CCDC50: variants seen among roughly 807,000 people sequenced by gnomAD.
CCDC50 encodes the protein coiled-coil domain-containing protein 50.
In CCDC50, 54 loss-of-function variants were observed where a neutral mutation model predicts 70.2. That is an observed-to-expected ratio of 0.77 (90% confidence interval 0.62 to 0.96). The LOEUF (loss-of-function observed/expected upper bound fraction) is 0.96. Ranked by LOEUF, CCDC50 falls within the 50% of genes least tolerant of loss-of-function variation. CCDC50 has a pLI of 0.00. For synonymous variants in CCDC50, 216 were observed against 198.8 expected, an observed-to-expected ratio of 1.09 and a Z score of -0.73; for missense variants, 558 against 578.7, an observed-to-expected ratio of 0.96 and a Z score of 0.37.
chr3:191,383,147 A>G (rs547772518), intron 10 of CCDC50, among the ~76,000 whole-genome samples: 1 of 152,200 alleles, frequency 6.6e-6, no homozygotes, highest in Admixed American at 6.5e-5. Flanking sequence ...TCCTAAATAA[A>G]ATTTCGAGTT....
chr3:191,375,645 A>C (rs293806), intron 6 of CCDC50, 56 bp downstream of exon 6: 1 of 1,556,588 alleles, frequency 6.4e-7, no homozygotes, highest in Middle Eastern at 1.9e-4. Context: ...ACTACAAACC[A>C]ATGAATTTAA....
intron 7 of CCDC50, 32 bp downstream of exon 7, chr3:191,380,306 T>A (rs556149503): frequency 7.6e-7 from 1 of 1,309,174 alleles, no homozygotes; most frequent in South Asian, 1.2e-5. Flanking sequence ...AGTTTAGATA[T>A]ATTGATGGGT....
In CCDC50 at chr3:191,382,926, C is replaced by T. The variant is rs931181465; in HGVS notation, c.1322+101C>T. On this transcript the variant is annotated intron_variant, in intron 10 of 11. Transcript: ENST00000392455. ...AGTGTATGTTTTTTGGAGAGGAGATCCAAAAATCTGCATTTGTAAGGTAGT... is the reference window on the plus strand; with the variant it reads ...AGTGTATGTTTTTTGGAGAGGAGATTCAAAAATCTGCATTTGTAAGGTAGT... The T allele has an allele frequency of 2.9e-5, 24 of 840,114 alleles. 1 individual carries two copies. The highest frequency in any genetic ancestry group is 1.8e-4 in the East Asian group (7 of 39,404). The allele number at this position is 840,114 out of a possible 1,614,324, so 52.0% of individuals were successfully genotyped here.
chr3:191,362,763 T>C (rs1292675035), intron 4 of CCDC50, among the ~76,000 whole-genome samples: 1 of 152,208 alleles, frequency 6.6e-6, no homozygotes, highest in African/African-American at 2.4e-5. Flanking sequence ...GTAAGACTTC[T>C]GTTCAATGCC....
At chr3:191,358,441 C>T (rs1478564342) in intron 3 of CCDC50, among the ~76,000 whole-genome samples, 1 of 152,120 alleles carries the variant, frequency 6.6e-6, no homozygotes, top group Admixed American at 6.5e-5. Flanking sequence ...TAATCTCTGT[C>T]CCCTCTGCCT....
intron 11 of CCDC50, among the ~76,000 whole-genome samples, 196 bp from the exon 12 acceptor site, chr3:191,391,545 C>T (rs1311364629): frequency 6.6e-6 from 1 of 152,094 alleles, no homozygotes; most frequent in Non-Finnish European, 1.5e-5. Context: ...TTGGGGAGTA[C>T]CTTACTGTCT....
rs13318724 is a variant in CCDC50 at position 191,369,611 on chromosome 3, G to C, written c.331-308G>C. Among the ~76,000 whole-genome samples, 9,807 of 152,198 alleles carry C rather than the reference G, an allele frequency of 0.064. 1,004 individuals carry two copies. Among genetic ancestry groups the C allele is most frequent in the African/African-American group, 0.22 (9,246 of 41,492 alleles). ...TTATTGAATCATCAGTTTGGAAAGA[G>C]GGCCCACAAATACATATTTTTAAAA... On this transcript the variant is annotated intron_variant, in intron 4 of 11. Coordinates refer to ENST00000392455, the MANE Select transcript of CCDC50 (RefSeq NM_178335.3).
intron 10 of CCDC50, among the ~76,000 whole-genome samples, chr3:191,384,748 T>TGAGTACCTCAGTACTCAAAGGTACTGAG (rs1372666803): frequency 6.6e-6 from 1 of 152,172 alleles, no homozygotes; most frequent in African/African-American, 2.4e-5. Flanking sequence ...TACTGAGGTT[T>TGAGTACCTCAGTACTCAAAGGTACTGAG]GTACTTTTAT....
chr3:191,344,715 A>T (rs1298599646), intron 1 of CCDC50, among the ~76,000 whole-genome samples: 4 of 152,124 alleles, frequency 2.6e-5, no homozygotes, highest in African/African-American at 9.7e-5. Flanking sequence ...AGTAGCTGGG[A>T]CTACAGGCAC....
intron 9 of CCDC50, among the ~76,000 whole-genome samples, chr3:191,381,779 T>C (rs1408014038): frequency 1.3e-5 from 2 of 152,104 alleles, no homozygotes; most frequent in African/African-American, 4.8e-5. Context: ...ACCTAGGTTG[T>C]GTATTCCTTA....
intron 10 of CCDC50, among the ~76,000 whole-genome samples, chr3:191,388,137 CT>C (rs1713559462): frequency 7.8e-6 from 1 of 128,374 alleles, no homozygotes; most frequent in Non-Finnish European, 1.9e-5. Flanking sequence ...GTTTCCATTA[CT>C]TTTATATATA....
Position 191,391,986 on chromosome 3 carries a change from A to G in CCDC50, c.*226A>G, listed in dbSNP as rs1347790933. The G allele has an allele frequency of 5.4e-6, 3 of 556,614 alleles. No individual in the cohort carries two copies. The Admixed American group carries it at 9.4e-5, about 17-fold the overall frequency. The allele number at this position is 556,614 out of a possible 1,614,324, so 34.5% of individuals were successfully genotyped here. On this transcript the variant is annotated 3_prime_UTR_variant, in exon 12 of 12. Transcript: ENST00000392455. ...TAGCTTCTGAATATTGGCCACCTCTATGCTGCATATACTTCTTGGGATATA... is the reference window on the plus strand; with the variant it reads ...TAGCTTCTGAATATTGGCCACCTCTGTGCTGCATATACTTCTTGGGATATA...
At chr3:191,383,835 A>G (rs947632469) in intron 10 of CCDC50, among the ~76,000 whole-genome samples, 1 of 152,210 alleles carries the variant, frequency 6.6e-6, no homozygotes, top group Non-Finnish European at 1.5e-5. Flanking sequence ...GGTTAAGCAC[A>G]TGCCAAACAT....
At chr3:191,376,124 G>C (rs1713105093) in intron 6 of CCDC50, among the ~76,000 whole-genome samples, 1 of 152,164 alleles carries the variant, frequency 6.6e-6, no homozygotes, top group Non-Finnish European at 1.5e-5. Flanking sequence ...ATTTTCATCA[G>C]AATCAGCTGT....
rs765375664 is a variant in CCDC50 at position 191,380,188 on chromosome 3, G to A, written c.1006G>A (p.Val336Ile). The A allele has an allele frequency of 2.7e-5, 43 of 1,589,044 alleles. No individual in the cohort carries two copies. In the Admixed American group the frequency reaches 7.2e-4, roughly 27 times the overall value. Residue 336 changes from valine (V) to isoleucine (I), a missense_variant, in exon 7 of 12, where the codon GTA (valine) becomes ATA (isoleucine). Coordinates refer to ENST00000392455, the MANE Select transcript of CCDC50 (RefSeq NM_178335.3). ...GAAGCCAAGAGTGATGAAAGAAGCT[G>A]TATCTACTCCATCACGAATGGCCCA... is the stretch of plus-strand genomic sequence containing the variant. ...GMKPRVMKEA[V>I]STPSRMAHRD... is the part of the protein sequence containing the mutation.
At chr3:191,387,632 TCTTAAGAGCATTCTAGAACAGTACC>T (rs1292715993) in intron 10 of CCDC50, among the ~76,000 whole-genome samples, 1 of 151,648 alleles carries the variant, frequency 6.6e-6, no homozygotes, top group Non-Finnish European at 1.5e-5. Context: ...TAAGAAGTAC[TCTTAAGAGCATTCTAGAACAGTACC>T]CTTAAGAGCA....
chr3:191,329,781 C>G lies in CCDC50; in HGVS notation c.49+58C>G, dbSNP rs1216149650. 4.5e-6 allele frequency: 7 copies of G among 1,569,178 alleles called. No individual in the cohort carries two copies. In the South Asian group the frequency reaches 5.8e-5, roughly 13 times the overall value. On this transcript the variant is annotated intron_variant, in intron 1 of 11. Transcript: ENST00000392455. The stretch of plus-strand genomic sequence containing the variant: ...CTCCCCTCTCCCAGCCCGAGGTTCT[C>G]TCAGGTCAGGGGCGTTGCCATTTCG...
intron 10 of CCDC50, among the ~76,000 whole-genome samples, chr3:191,386,507 G>A (rs1304204501): frequency 2.0e-5 from 3 of 152,164 alleles, no homozygotes; most frequent in Admixed American, 2.0e-4. Flanking sequence ...TTACAGGCGT[G>A]AGCCACCGCG....
rs186914205 is a variant in CCDC50 at position 191,384,186 on chromosome 3, T to C, written c.1322+1361T>C. ...ATGATCCTGTATTAAAAATGGCTATTATAAATGAATGAAAAGTGACTTAGG... is the reference window on the plus strand; with the variant it reads ...ATGATCCTGTATTAAAAATGGCTATCATAAATGAATGAAAAGTGACTTAGG... On this transcript the variant is annotated intron_variant, in intron 10 of 11. Coordinates refer to ENST00000392455, the MANE Select transcript of CCDC50 (RefSeq NM_178335.3). Among the ~76,000 whole-genome samples the C allele has an allele frequency of 3.3e-3, 510 of 152,244 alleles. 4 individuals are homozygous for C. Among genetic ancestry groups the C allele is most frequent in the African/African-American group, 0.012 (488 of 41,550 alleles).
Sources: gnomAD v4.1 joint callset for allele counts (sites outside exome capture counted in the v4.1 genomes callset) on GRCh38, gnomAD v4.1.1 for gene constraint, MANE v1.5 for transcripts, NCBI Gene and HGNC (gene_info 2026-07-23, HGNC 2026-07-21) for gene names.